Variants in MAN1A1 observed in about 807,000 individuals in gnomAD.
MAN1A1 encodes the protein mannosyl-oligosaccharide 1,2-alpha-mannosidase IA.
MAN1A1 carries 29 observed loss-of-function variants against 70.8 expected under a neutral mutation model. That is an observed-to-expected ratio of 0.41 (90% CI 0.31 to 0.56). MAN1A1 has a LOEUF of 0.56. MAN1A1 is among the 20% of genes least tolerant of loss of function. MAN1A1 has a pLI of 0.29. For synonymous variants in MAN1A1, 349 were observed against 330.1 expected (o/e 1.06, Z -0.62); for missense variants, 747 against 841.3 (o/e 0.89, Z 1.39).
intron 11 of MAN1A1, among the ~76,000 whole-genome samples, chr6:119,183,898 TA>T (rs1338010891): frequency 6.6e-6 from 1 of 152,022 alleles, no homozygotes; most frequent in African/African-American, 2.4e-5. Flanking sequence ...CATGGGGTTG[TA>T]CGTGAGAATA....
intron 6 of MAN1A1, among the ~76,000 whole-genome samples, chr6:119,219,024 T>A (rs989307535): frequency 2.0e-5 from 3 of 152,196 alleles, no homozygotes; most frequent in African/African-American, 7.2e-5. Context: ...TTATAACAAT[T>A]AGCCAAGGGT....
At chr6:119,329,265 T>C (rs749459174) in intron 2 of MAN1A1, among the ~76,000 whole-genome samples, 6 of 152,146 alleles carry the variant, frequency 3.9e-5, no homozygotes, top group Admixed American at 6.5e-5. Context: ...TAAACTTGAG[T>C]ACTGATTCAT....
At chr6:119,328,290 C>G (rs1327718137) in intron 2 of MAN1A1, among the ~76,000 whole-genome samples, 1 of 152,196 alleles carries the variant, frequency 6.6e-6, no homozygotes, top group Non-Finnish European at 1.5e-5. Flanking sequence ...CTTAAGTAAT[C>G]AATATCTGCA....
intron 6 of MAN1A1, among the ~76,000 whole-genome samples, chr6:119,229,872 T>C (rs1774629668): frequency 6.6e-6 from 1 of 152,244 alleles, no homozygotes; most frequent in Non-Finnish European, 1.5e-5. Context: ...TTACACGACA[T>C]TCTCTTCTTC....
intron 2 of MAN1A1, among the ~76,000 whole-genome samples, chr6:119,322,348 C>T (rs968694747): frequency 2.0e-5 from 3 of 152,284 alleles, no homozygotes; most frequent in South Asian, 2.1e-4. Context: ...CTGGGCCCTG[C>T]TCAGCTTAGA....
intron 5 of MAN1A1, among the ~76,000 whole-genome samples, chr6:119,285,608 CT>C (rs35665082): frequency 0.38 from 54,520 of 144,436 alleles, 10,260 homozygotes; most frequent in Non-Finnish European, 0.41. Context: ...GTTTTCAATT[CT>C]TTTTTTTTTT....
chr6:119,284,549 T>A (rs1562225357), intron 5 of MAN1A1, among the ~76,000 whole-genome samples: 1 of 152,214 alleles, frequency 6.6e-6, no homozygotes, highest in African/African-American at 2.4e-5. Flanking sequence ...TTATTTTTGT[T>A]ACGTCTTTTT....
chr6:119,324,868 G>T (rs888176823), intron 2 of MAN1A1, among the ~76,000 whole-genome samples: 2 of 152,192 alleles, frequency 1.3e-5, no homozygotes, highest in African/African-American at 2.4e-5. Context: ...CCTGTGTTTG[G>T]GGGGTTGGGG....
At chr6:119,337,126 A>G (rs1348547156) in intron 2 of MAN1A1, among the ~76,000 whole-genome samples, 1 of 152,202 alleles carries the variant, frequency 6.6e-6, no homozygotes, top group Non-Finnish European at 1.5e-5. Context: ...ACCAGTTTAC[A>G]GTCATATAAG....
chr6:119,287,137 C>T (rs1164917331), intron 5 of MAN1A1, among the ~76,000 whole-genome samples: 5 of 152,116 alleles, frequency 3.3e-5, no homozygotes, highest in Non-Finnish European at 7.4e-5. Context: ...TCTTCAGGGA[C>T]TTTGTGTCTT....
At chr6:119,342,844 A>T (rs1773631849) in intron 2 of MAN1A1, among the ~76,000 whole-genome samples, 1 of 152,228 alleles carries the variant, frequency 6.6e-6, no homozygotes. Context: ...CCTTCTAGTC[A>T]TCACATGTCC....
intron 11 of MAN1A1, among the ~76,000 whole-genome samples, chr6:119,187,848 G>A (rs542500796): frequency 6.6e-6 from 1 of 152,312 alleles, no homozygotes; most frequent in East Asian, 1.9e-4. Flanking sequence ...AGCAGGAAGA[G>A]ACCCAAGAGG....
chr6:119,233,700 C>A (rs138672696), intron 6 of MAN1A1, among the ~76,000 whole-genome samples: 40 of 152,316 alleles, frequency 2.6e-4, no homozygotes, highest in African/African-American at 9.6e-4. Context: ...TTCAGACATA[C>A]ATTGCTCCCA....
chr6:119,266,181 C>T (rs1400965284), intron 5 of MAN1A1, among the ~76,000 whole-genome samples: 3 of 152,148 alleles, frequency 2.0e-5, no homozygotes, highest in Non-Finnish European at 4.4e-5. Flanking sequence ...TTCTTCCCAA[C>T]TTGGAATAAT....
At chr6:119,273,842 A>G (rs1202879990) in intron 5 of MAN1A1, among the ~76,000 whole-genome samples, 1 of 152,172 alleles carries the variant, frequency 6.6e-6, no homozygotes, top group African/African-American at 2.4e-5. Flanking sequence ...AAGTGTTGGT[A>G]TTTTATTCTG....
chr6:119,224,064 G>T (rs1280077097), intron 6 of MAN1A1, among the ~76,000 whole-genome samples: 1 of 152,188 alleles, frequency 6.6e-6, no homozygotes, highest in Non-Finnish European at 1.5e-5. Context: ...GTAGCTGAAA[G>T]ATCAGGGTGG....
Position 119,197,021 on chromosome 6 carries a change from G to A in MAN1A1, c.1211-3129C>T, listed in dbSNP as rs192697020. On this transcript the variant is annotated intron_variant, in intron 8 of 12. Transcript: ENST00000368468. ...ACAAGCAGAACAACCATTAAAAGCA[G>A]AGGCAGGTCCAGCGTGGTGTTTCAC... Among the ~76,000 whole-genome samples, 10 of 152,246 alleles carry A rather than the reference G, an allele frequency of 6.6e-5. No homozygotes were observed. The East Asian group carries it at 1.9e-3, about 29-fold the overall frequency.
chr6:119,312,414 G>A (rs998247033), intron 2 of MAN1A1, among the ~76,000 whole-genome samples: 33 of 152,126 alleles, frequency 2.2e-4, no homozygotes, highest in African/African-American at 7.7e-4. Context: ...AAAACAGAAC[G>A]GAGAGACACA....
chr6:119,246,425 C>T (rs1249853802), intron 6 of MAN1A1, among the ~76,000 whole-genome samples: 2 of 152,094 alleles, frequency 1.3e-5, no homozygotes, highest in African/African-American at 2.4e-5. Flanking sequence ...ATATGTTCAT[C>T]GGAATCTGAA....
Sources: gnomAD v4.1 joint callset for allele counts (sites outside exome capture counted in the v4.1 genomes callset) on GRCh38, gnomAD v4.1.1 for gene constraint, MANE v1.5 for transcripts, NCBI Gene and HGNC (gene_info 2026-07-23, HGNC 2026-07-21) for gene names.